The following CPEB1 variants were observed in gnomAD, a reference collection of about 807,000 sequenced individuals.
The protein encoded by CPEB1 is cytoplasmic polyadenylation element binding protein 1, also known as cytoplasmic polyadenylation element-binding protein 1.
Under a neutral mutation model 65.8 loss-of-function variants are expected in CPEB1, and 7 were observed. That is an observed-to-expected ratio of 0.11 (90% CI 0.06 to 0.20). CPEB1 has a LOEUF of 0.20. CPEB1 is among the 10% of genes least tolerant of loss of function. The probability of loss-of-function intolerance (pLI) is 1.00; values close to 1 mark genes in which losing one functional copy is unlikely to be tolerated. For missense variants in CPEB1, 551 were observed against 712.2 expected (o/e 0.77, Z 2.58); for synonymous variants, 262 against 260.0 (o/e 1.01, Z -0.08).
rs2034842876 is a variant in CPEB1, at chr15:82,544,658, G to A, written c.1701C>T (p.His567=). Residue 567 remains histidine (H), a synonymous_variant, in exon 13 of 13, where the codon CAC becomes CAT. Transcript: ENST00000684509. The stretch of plus-strand genomic sequence containing the variant: ...TGTGGTGGCGCAGGCCCTCCATGCT[G>A]TGCCGCCAGTGCCAGCAGCTCCGGC... ...YFCRSCWHWR[H]SMEGLRHHSP... is the part of the protein sequence containing the mutation. 1 of 1,613,412 alleles carries A rather than the reference G, an allele frequency of 6.2e-7. No individual in the cohort carries two copies. Among genetic ancestry groups the A allele is most frequent in the African/African-American group, 1.3e-5 (1 of 75,050 alleles).
At chr15:82,593,632 G>C (rs552318726) in intron 3 of CPEB1, among the ~76,000 whole-genome samples, 1 of 152,270 alleles carries the variant, frequency 6.6e-6, no homozygotes, top group South Asian at 2.1e-4. Context: ...GTTCTTAACA[G>C]TATCTAGAAT....
At chr15:82,571,778 T>G (rs962826596) in intron 3 of CPEB1, 5 of 1,285,066 alleles carry the variant, frequency 3.9e-6, no homozygotes, top group Non-Finnish European at 4.9e-6. Flanking sequence ...GGCCAGCATG[T>G]GATCAGGCTG....
At chr15:82,631,497 AAAGT>A (rs1781550495) in intron 1 of CPEB1, among the ~76,000 whole-genome samples, 1 of 152,220 alleles carries the variant, frequency 6.6e-6, no homozygotes, top group Non-Finnish European at 1.5e-5. Flanking sequence ...AATAGGGATA[AAAGT>A]AATACTATCT....
intron 1 of CPEB1, among the ~76,000 whole-genome samples, chr15:82,639,305 G>A (rs1393347744): frequency 1.3e-5 from 2 of 152,038 alleles, no homozygotes; most frequent in Non-Finnish European, 1.5e-5. Flanking sequence ...TGTACATACC[G>A]GAGCAACCAC....
At chr15:82,612,704 G>A (rs924937288) in intron 3 of CPEB1, among the ~76,000 whole-genome samples, 1 of 149,936 alleles carries the variant, frequency 6.7e-6, no homozygotes, top group Admixed American at 6.6e-5. Flanking sequence ...GCAGGTGGCA[G>A]GCGCCTGTAA....
At chr15:82,545,939 G>T (rs1465365403) in intron 12 of CPEB1, among the ~76,000 whole-genome samples, 1 of 152,078 alleles carries the variant, frequency 6.6e-6, no homozygotes, top group African/African-American at 2.4e-5. Context: ...GCAAGAAAAA[G>T]ACCAAAGTAT....
At chr15:82,628,114 C>T in intron 2 of CPEB1, 1 of 677,122 alleles carries the variant, frequency 1.5e-6, no homozygotes, top group East Asian at 2.7e-5. Flanking sequence ...GAGAGAAGGT[C>T]ATGAAAGTCT....
At chr15:82,630,613 AAAAG>A (rs912920230) in intron 1 of CPEB1, among the ~76,000 whole-genome samples, 1 of 151,710 alleles carries the variant, frequency 6.6e-6, no homozygotes, top group Non-Finnish European at 1.5e-5. Flanking sequence ...CTCAAAAAAA[AAAAG>A]AAAGAAAAAG....
intron 3 of CPEB1, among the ~76,000 whole-genome samples, chr15:82,609,565 C>A (rs1176235451): frequency 6.0e-5 from 9 of 148,802 alleles, no homozygotes; most frequent in African/African-American, 2.0e-4. Flanking sequence ...CCTAAAGAAA[C>A]TAGAAAAAAT....
intron 1 of CPEB1, chr15:82,629,367 A>T (rs950920006): frequency 2.9e-5 from 29 of 985,156 alleles, no homozygotes; most frequent in Non-Finnish European, 3.4e-5. Context: ...ATACAACTCT[A>T]TGTGGTCATT....
rs368781666 is a variant in CPEB1, at chr15:82,549,656, C to G, written c.1284G>C (p.Val428=). 9.0e-5 allele frequency: 146 copies of G among 1,614,032 alleles called. No homozygotes were observed. The highest frequency in any genetic ancestry group is 1.2e-4 in the Non-Finnish European group (142 of 1,180,008). ...CGGCTAATACCCAGGGGATCACCTG[C>G]ACCTGAAAACCACCCAAAGGTGTAT... ...MSSRRMRCKE[V]QVIPWVLADS... is the part of the protein sequence containing the mutation. The change falls in exon 10 of 13, where the codon GTG becomes GTC. Residue 428 remains valine (V), a splice_region_variant and synonymous_variant. Transcript: ENST00000684509.
At chr15:82,574,524 T>A (rs1290257853) in intron 3 of CPEB1, among the ~76,000 whole-genome samples, 1 of 151,692 alleles carries the variant, frequency 6.6e-6, no homozygotes, top group African/African-American at 2.4e-5. Flanking sequence ...TCAAGACCAG[T>A]CTGGCCAACG....
chr15:82,632,790 A>G (rs1820665640), intron 1 of CPEB1, among the ~76,000 whole-genome samples: 1 of 151,978 alleles, frequency 6.6e-6, no homozygotes, highest in Non-Finnish European at 1.5e-5. Flanking sequence ...CAGCCTCTCA[A>G]AGTGCTGGGA....
chr15:82,646,440 G>A (rs938352854), intron 1 of CPEB1, among the ~76,000 whole-genome samples: 2 of 152,134 alleles, frequency 1.3e-5, no homozygotes, highest in African/African-American at 4.8e-5. Context: ...AGTCAGGGCC[G>A]GGGCTGCAGG....
intron 9 of CPEB1, among the ~76,000 whole-genome samples, chr15:82,549,970 C>A (rs1206516274): frequency 6.6e-6 from 1 of 152,136 alleles, no homozygotes; most frequent in Non-Finnish European, 1.5e-5. Flanking sequence ...CTATTTCAAC[C>A]TCCAACTGTG....
intron 3 of CPEB1, among the ~76,000 whole-genome samples, chr15:82,574,259 A>G (rs1464984360): frequency 6.6e-6 from 1 of 152,198 alleles, no homozygotes; most frequent in African/African-American, 2.4e-5. Flanking sequence ...AATGCAGGCC[A>G]TACCTGTTAA....
At chr15:82,586,741 C>T (rs2041835288) in intron 3 of CPEB1, among the ~76,000 whole-genome samples, 1 of 151,992 alleles carries the variant, frequency 6.6e-6, no homozygotes, top group South Asian at 2.1e-4. Flanking sequence ...TAGATTCACA[C>T]ATACAGTGCA....
At chr15:82,622,154 T>A (rs2045358842) in intron 3 of CPEB1, among the ~76,000 whole-genome samples, 1 of 152,152 alleles carries the variant, frequency 6.6e-6, no homozygotes, top group South Asian at 2.1e-4. Context: ...GACTAGGGAA[T>A]GTGGAGAGGG....
chr15:82,570,279 TGCTGCCATG>T (rs1378591437), intron 4 of CPEB1, among the ~76,000 whole-genome samples: 7 of 152,070 alleles, frequency 4.6e-5, no homozygotes, highest in Admixed American at 6.6e-5. Flanking sequence ...GACAGTACCT[TGCTGCCATG>T]GCTGCCGGTT....
Sources: gnomAD v4.1 joint callset for allele counts (sites outside exome capture counted in the v4.1 genomes callset) on GRCh38, gnomAD v4.1.1 for gene constraint, MANE v1.5 for transcripts, NCBI Gene and HGNC (gene_info 2026-07-23, HGNC 2026-07-21) for gene names.